LHFPL6: variants seen among roughly 807,000 people sequenced by gnomAD.
LHFPL6 encodes the protein LHFPL tetraspan subfamily member 6 protein.
Under a neutral mutation model 20.6 loss-of-function variants are expected in LHFPL6, and 9 were observed. The observed-to-expected ratio is 0.44, with a 90% confidence interval of 0.26 to 0.76. The LOEUF (loss-of-function observed/expected upper bound fraction) is 0.76. Among genes scored for constraint, LHFPL6 ranks in the 30% least tolerant of loss-of-function variants. The probability of loss-of-function intolerance (pLI) is 0.20; values close to 1 mark genes in which losing one functional copy is unlikely to be tolerated. For synonymous variants in LHFPL6, 105 were observed against 98.7 expected, an observed-to-expected ratio of 1.06 and a Z score of -0.38; for missense variants, 218 against 253.5, an observed-to-expected ratio of 0.86 and a Z score of 0.95.
intron 2 of LHFPL6, among the ~76,000 whole-genome samples, chr13:39,437,676 G>T (rs141333504): frequency 0.018 from 2,773 of 152,260 alleles, 80 homozygotes; most frequent in African/African-American, 0.063. Context: ...GGCTGAGGCG[G>T]GCGGATCACG....
At chr13:39,405,918 G>A (rs1298728598) in intron 2 of LHFPL6, among the ~76,000 whole-genome samples, 1 of 152,130 alleles carries the variant, frequency 6.6e-6, no homozygotes, top group Non-Finnish European at 1.5e-5. Flanking sequence ...TTAACCACAG[G>A]ACTCATCCTA....
chr13:39,381,222 C>A (rs764820764), intron 2 of LHFPL6, among the ~76,000 whole-genome samples: 1 of 152,040 alleles, frequency 6.6e-6, no homozygotes, highest in African/African-American at 2.4e-5. Context: ...ATGTTCATTA[C>A]GAGTAAAAAC....
chr13:39,400,315 T>G (rs1408094093), intron 2 of LHFPL6, among the ~76,000 whole-genome samples: 1 of 152,086 alleles, frequency 6.6e-6, no homozygotes, highest in African/African-American at 2.4e-5. Context: ...TAGAAAATAA[T>G]CAGGTGTTTG....
intron 3 of LHFPL6, among the ~76,000 whole-genome samples, chr13:39,376,102 G>T (rs186025829): frequency 6.6e-6 from 1 of 152,156 alleles, no homozygotes; most frequent in African/African-American, 2.4e-5. Flanking sequence ...ATACTGAGGT[G>T]CAGTAATGAA....
intron 2 of LHFPL6, among the ~76,000 whole-genome samples, chr13:39,411,527 T>C (rs1038884767): frequency 6.6e-6 from 1 of 152,194 alleles, no homozygotes; most frequent in Non-Finnish European, 1.5e-5. Flanking sequence ...ATTCCTTCTC[T>C]AAGCTTAACC....
intron 3 of LHFPL6, among the ~76,000 whole-genome samples, chr13:39,350,146 T>A (rs1050387787): frequency 2.0e-5 from 3 of 152,230 alleles, no homozygotes; most frequent in Non-Finnish European, 4.4e-5. Context: ...TACTTTCCAG[T>A]TCATATCACT....
intron 2 of LHFPL6, among the ~76,000 whole-genome samples, chr13:39,461,825 C>T (rs7999560): frequency 0.55 from 83,930 of 151,936 alleles, 24,368 homozygotes; most frequent in East Asian, 0.9. Flanking sequence ...TGGTACATCC[C>T]ATTGGAATTT....
At chr13:39,426,069 A>G (rs890363188) in intron 2 of LHFPL6, among the ~76,000 whole-genome samples, 4 of 152,216 alleles carry the variant, frequency 2.6e-5, no homozygotes, top group Non-Finnish European at 5.9e-5. Context: ...GGCATTAAAT[A>G]GATTTGCAAT....
chr13:39,425,129 G>T (rs755365240), intron 2 of LHFPL6, among the ~76,000 whole-genome samples: 1 of 152,120 alleles, frequency 6.6e-6, no homozygotes. Context: ...TAACAGGTTA[G>T]TTTGTATTCT....
intron 3 of LHFPL6, among the ~76,000 whole-genome samples, chr13:39,377,040 C>T (rs558931464): frequency 1.3e-4 from 20 of 152,202 alleles, no homozygotes; most frequent in South Asian, 8.3e-4. Flanking sequence ...ACTGGAAAGA[C>T]GCTCTCACCA....
At chr13:39,482,410 T>G (rs1269802865) in intron 2 of LHFPL6, among the ~76,000 whole-genome samples, 7 of 149,822 alleles carry the variant, frequency 4.7e-5, no homozygotes, top group Non-Finnish European at 1.0e-4. Context: ...GCCACTGCAC[T>G]CAAGCCTGGG....
intron 2 of LHFPL6, among the ~76,000 whole-genome samples, chr13:39,424,293 C>T (rs1015292646): frequency 1.3e-5 from 2 of 151,062 alleles, no homozygotes; most frequent in African/African-American, 4.9e-5. Context: ...CTGAATCACA[C>T]AATAAAGGAA....
chr13:39,578,197 A>C (rs1333780500), intron 2 of LHFPL6, among the ~76,000 whole-genome samples: 1 of 152,148 alleles, frequency 6.6e-6, no homozygotes, highest in Non-Finnish European at 1.5e-5. Context: ...GTTAGTTGTT[A>C]TCTAAAGTAA....
At chr13:39,580,022 A>G (rs141686294) in intron 2 of LHFPL6, among the ~76,000 whole-genome samples, 10 of 152,342 alleles carry the variant, frequency 6.6e-5, no homozygotes, top group African/African-American at 2.4e-4. Context: ...CATTTATTGT[A>G]TATTACGAAG....
chr13:39,503,916 A>G (rs1397630272), intron 2 of LHFPL6, among the ~76,000 whole-genome samples: 3 of 152,204 alleles, frequency 2.0e-5, no homozygotes, highest in African/African-American at 4.8e-5. Flanking sequence ...AAGTTCTTGA[A>G]GAGTCTAACA....
At chr13:39,602,305 G>T (rs1872977848) in intron 1 of LHFPL6, among the ~76,000 whole-genome samples, 1 of 152,110 alleles carries the variant, frequency 6.6e-6, no homozygotes, top group Non-Finnish European at 1.5e-5. Flanking sequence ...CCTAACTCCA[G>T]CTTTCAGGGT....
intron 2 of LHFPL6, among the ~76,000 whole-genome samples, chr13:39,517,602 A>T: frequency 6.6e-6 from 1 of 152,162 alleles, no homozygotes; most frequent in South Asian, 2.1e-4. Context: ...AATCCCTAGA[A>T]GTTGTCCTTG....
chr13:39,443,157 T>C (rs1237635117), intron 2 of LHFPL6, among the ~76,000 whole-genome samples: 2 of 152,186 alleles, frequency 1.3e-5, no homozygotes, highest in African/African-American at 2.4e-5. Flanking sequence ...CTAATTAACA[T>C]GGGCATTGGT....
intron 2 of LHFPL6, among the ~76,000 whole-genome samples, chr13:39,587,598 T>C (rs774221707): frequency 2.6e-5 from 4 of 152,080 alleles, no homozygotes; most frequent in Non-Finnish European, 5.9e-5. Context: ...GAATTATGTA[T>C]TGTGTTTCAC....
Sources: gnomAD v4.1 joint callset for allele counts (sites outside exome capture counted in the v4.1 genomes callset) on GRCh38, gnomAD v4.1.1 for gene constraint, MANE v1.5 for transcripts, NCBI Gene and HGNC (gene_info 2026-07-23, HGNC 2026-07-21) for gene names.